OBSL1: variants seen among roughly 807,000 people sequenced by gnomAD.
The protein encoded by OBSL1 is obscurin like cytoskeletal adaptor 1, also known as obscurin-like protein 1.
In OBSL1, 160 loss-of-function variants were observed where a neutral mutation model predicts 172.0. That is an observed-to-expected ratio of 0.93 (90% CI 0.82 to 1.06). The LOEUF is 1.06. OBSL1 is among the 50% of genes least tolerant of loss of function. The probability of loss-of-function intolerance (pLI) is 0.00; values close to 1 mark genes in which losing one functional copy is unlikely to be tolerated. For missense variants in OBSL1, 2,681 were observed against 2,715.4 expected, an observed-to-expected ratio of 0.99 and a Z score of 0.28; for synonymous variants, 1,200 against 1,196.3, an observed-to-expected ratio of 1.00 and a Z score of -0.06.
Position 219,558,203 on chromosome 2 carries a change from G to A in OBSL1, c.3483C>T (p.Thr1161=). 6.2e-7 allele frequency: 1 copy of A among 1,608,206 alleles called. No homozygotes were observed. The highest frequency in any genetic ancestry group is 8.5e-7 in the Non-Finnish European group (1 of 1,175,512). The change falls in exon 10 of 21, where the codon ACC becomes ACT. Residue 1161 remains threonine, a synonymous_variant. Transcript: ENST00000404537. Reference sequence around the variant, plus strand: ...ACCCACCAGCCAGGATGACATTGAAGGTGATGGCCTCATGCCGGGTCTCAC... The same window carrying A: ...ACCCACCAGCCAGGATGACATTGAAAGTGATGGCCTCATGCCGGGTCTCAC... ...YVCETRHEAI[T]FNVILAEPPV...
chr2:219,552,874 C>A lies in OBSL1; in HGVS notation c.5140G>T (p.Val1714Leu). 6.5e-7 allele frequency: 1 copy of A among 1,542,484 alleles called. No homozygotes were observed. Among genetic ancestry groups the A allele is most frequent in the Non-Finnish European group, 8.7e-7 (1 of 1,145,308 alleles). Residue 1714 changes from valine (V) to leucine (L), a missense_variant, in exon 17 of 21, where the codon GTG (valine) becomes TTG (leucine). By Grantham distance (32) the Val-to-Leu change is conservative. Transcript: ENST00000404537. Reference sequence around the variant, plus strand: ...CACATCACCCCGTACCCACCGCGCACGGTCAGGCGGACCGGTCCGGCGCGG... The same window carrying A: ...CACATCACCCCGTACCCACCGCGCAAGGTCAGGCGGACCGGTCCGGCGCGG... Reference protein sequence around the residue: ...TARAGPVRLTVRERTVAVLSE... With the variant: ...TARAGPVRLTLRERTVAVLSE...
At chr2:219,555,659 T>C (rs1267391612) in intron 14 of OBSL1, 1 of 1,072,794 alleles carries the variant, frequency 9.3e-7, no homozygotes, top group Non-Finnish European at 1.1e-6. Flanking sequence ...GCTCCAGCTT[T>C]GGGTGGGAGG....
At position 219,570,253 on chromosome 2, in the gene OBSL1, T is replaced by C. The variant is rs1336434095; in HGVS notation, c.980A>G (p.Gln327Arg). Reference protein sequence around the residue: ...YVCAARNSAGQTLSAVQLHVK... With the variant: ...YVCAARNSAGRTLSAVQLHVK... ...GTGCAGCTGCACGGCACTGAGCGTC[T>C]GGCCCGCCGAGTTGCGCGCGGCGCA... The change falls in exon 1 of 21, where the codon CAG (glutamine) becomes CGG (arginine). Residue 327 changes from glutamine to arginine, a missense_variant. This residue lies in a region of OBSL1 where 706 missense variants were observed against 695.8 expected (regional missense o/e 1.01). Coordinates refer to ENST00000404537, the MANE Select transcript of OBSL1 (RefSeq NM_015311.3). 1 of 1,586,962 alleles carries C rather than the reference T, an allele frequency of 6.3e-7. No homozygotes were observed. Among genetic ancestry groups the C allele is most frequent in the Non-Finnish European group, 8.6e-7 (1 of 1,164,452 alleles).
rs1418706139 is a variant in OBSL1, at chr2:219,552,435, G to T, written c.5308+101C>A. 3 of 1,248,640 alleles carry T rather than the reference G, an allele frequency of 2.4e-6. No individual in the cohort carries two copies. The African/African-American group carries it at 4.5e-5, about 19-fold the overall frequency. The allele number at this position is 1,248,640 out of a possible 1,614,324, so 77.3% of individuals were successfully genotyped here. ...GAGGCTCACAGGGCCGTGGGGCGGGGCCCGTCGGAGCCAGGGGCGGGGCTT... is the reference window on the plus strand; with the variant it reads ...GAGGCTCACAGGGCCGTGGGGCGGGTCCCGTCGGAGCCAGGGGCGGGGCTT... On this transcript the variant is annotated intron_variant, in intron 18 of 20. Coordinates refer to ENST00000404537, the MANE Select transcript of OBSL1 (RefSeq NM_015311.3).
chr2:219,561,917 GA>G (rs1390570112), intron 8 of OBSL1: 1 of 717,396 alleles, frequency 1.4e-6, no homozygotes, highest in Admixed American at 2.0e-5. Flanking sequence ...GCCATGGGGG[GA>G]AGCGGGACCA....
rs367952566 is a variant in OBSL1, at chr2:219,570,341, G to A, written c.892C>T (p.Arg298Cys). 177 of 1,612,274 alleles carry A rather than the reference G, an allele frequency of 1.1e-4. No homozygotes were observed. In the South Asian group the frequency reaches 1.3e-3, roughly 12 times the overall value. Residue 298 changes from arginine (R) to cysteine (C), a missense_variant, in exon 1 of 21, where the codon CGC becomes TGC. Physicochemically the swap from Arg to Cys is radical, Grantham distance 180. Transcript: ENST00000404537. The part of the protein sequence containing the change: ...PDRRRLMYRD[R>C]DGGFVLKVLY... ...ACCTTGAGCACGAAGCCGCCGTCGC[G>A]GTCGCGGTACATGAGGCGGCGGCGG...
chr2:219,553,060 C>T (rs187054895), intron 16 of OBSL1, 36 bp from the exon 17 acceptor site: 3 of 1,440,314 alleles, frequency 2.1e-6, no homozygotes, highest in African/African-American at 1.5e-5. Flanking sequence ...GGGGCGAGCC[C>T]GGCTGGGCAC....
intron 14 of OBSL1, chr2:219,555,708 TG>T (rs1248888255): frequency 8.5e-7 from 1 of 1,182,506 alleles, no homozygotes; most frequent in African/African-American, 1.6e-5. Context: ...GCTACTTAAG[TG>T]GGTATGTGTA....
At chr2:219,549,395 T>C (rs977000172), downstream of OBSL1, 5 of 1,585,864 alleles carry the variant, frequency 3.2e-6, no homozygotes, top group African/African-American at 4.1e-5. Context: ...GAGAAGGAAG[T>C]GTGGAAACTC....
rs1261537858 is a variant in OBSL1 at position 219,551,773 on chromosome 2, G to T, written c.5439C>A (p.His1813Gln). Residue 1813 changes from histidine to glutamine, a missense_variant, in exon 20 of 21, where the codon CAC becomes CAA. His to Gln is a conservative substitution (Grantham distance 24, BLOSUM62 0). This residue lies in a region of OBSL1 where 1,765 missense variants were observed against 1,748.3 expected (regional missense o/e 1.01). Transcript: ENST00000404537. ...VEALPLQMCR[H>Q]PPREKTVLVG... ...CCAGAACGGTCTTCTCGCGAGGGGG[G>T]TGGCGGCACATCTGGAGAGGCAATG... The T allele has an allele frequency of 5.7e-6, 9 of 1,591,332 alleles. No homozygotes were observed. The highest frequency in any genetic ancestry group is 1.1e-5 in the South Asian group (1 of 89,902).
rs949845983 is a variant in OBSL1, at chr2:219,571,416, T to TGCG, written c.-187_-185dup. On this transcript the variant is annotated 5_prime_UTR_variant, in exon 1 of 21. Transcript: ENST00000404537. ...TACCCTCGGCCCCGAGCTGCAGCTC[T>TGCG]GCGGCGGCGGCGGCGGCGATTCCCG... 99 of 347,310 alleles carry TGCG rather than the reference T, an allele frequency of 2.9e-4. No individual in the cohort carries two copies. The highest frequency in any genetic ancestry group is 1.9e-3 in the African/African-American group (87 of 46,662). 21.5% of individuals were successfully genotyped at this position (347,310 alleles called of 1,614,324 possible).
chr2:219,555,976 T>C (rs757327977), intron 14 of OBSL1, 44 bp downstream of exon 14: 1 of 1,593,700 alleles, frequency 6.3e-7, no homozygotes, highest in Non-Finnish European at 8.6e-7. Context: ...GAAAAGGCTG[T>C]GGTGTAGGGT....
intron 14 of OBSL1, 87 bp from the exon 15 acceptor site, chr2:219,554,827 A>C (rs1000045071): frequency 1.1e-4 from 160 of 1,400,492 alleles, no homozygotes; most frequent in Non-Finnish European, 1.5e-4. Context: ...GGCCCTGCCT[A>C]CACCCCTGAA....
intron 20 of OBSL1, chr2:219,551,104 C>T: frequency 7.1e-7 from 1 of 1,410,812 alleles, no homozygotes; most frequent in Non-Finnish European, 9.2e-7. Flanking sequence ...AAGAAAGAGG[C>T]TTCTGCCAAG....
In OBSL1 at chr2:219,552,644, C is replaced by A. The variant is rs747582606; in HGVS notation, c.5200G>T (p.Asp1734Tyr). The A allele has an allele frequency of 1.3e-6, 2 of 1,550,660 alleles. No individual in the cohort carries two copies. The highest frequency in any genetic ancestry group is 1.7e-6 in the Non-Finnish European group (2 of 1,152,744). Residue 1734 changes from aspartate to tyrosine, a missense_variant, in exon 18 of 21, where the codon GAC becomes TAC. By Grantham distance (160) the Asp-to-Tyr change is radical. Coordinates refer to ENST00000404537, the MANE Select transcript of OBSL1 (RefSeq NM_015311.3). The stretch of plus-strand genomic sequence containing the variant: ...ACGGTGCACTCGAACGTAGCGCCGT[C>A]GCCTTCGCGGGCGCTCACCGACCGC... The part of the protein sequence containing the change: ...ELRSVSAREG[D>Y]GATFECTVSE...
chr2:219,555,658 T>C, intron 14 of OBSL1: 1 of 1,065,928 alleles, frequency 9.4e-7, no homozygotes, highest in Non-Finnish European at 1.1e-6. Flanking sequence ...GGCTCCAGCT[T>C]TGGGTGGGAG....
At chr2:219,570,191 C>T (rs1486141240) in intron 1 of OBSL1, 30 bp downstream of exon 1, 3 of 1,497,326 alleles carry the variant, frequency 2.0e-6, no homozygotes, top group African/African-American at 2.8e-5. Context: ...ACACTCGAGG[C>T]CCCTCCCTAG....
downstream of OBSL1, chr2:219,550,151 G>A (rs1356365509): frequency 9.5e-6 from 3 of 316,890 alleles, no homozygotes; most frequent in Non-Finnish European, 1.7e-5. Flanking sequence ...GGGCAGGCTT[G>A]GAGGGGACGC....
At position 219,565,552 on chromosome 2, in the gene OBSL1, C is replaced by T. The variant is rs182935608; in HGVS notation, c.2135-38G>A. On this transcript the variant is annotated intron_variant, in intron 5 of 20. Transcript: ENST00000404537. ...AAGTACAGATAAGCACCCCTCCCTC[C>T]GGTGCATGGGCTCAGTGTCGGATGC... 99 of 1,586,610 alleles carry T rather than the reference C, an allele frequency of 6.2e-5. 1 individual carries two copies. Among genetic ancestry groups the T allele is most frequent in the Admixed American group, 6.2e-4 (37 of 59,728 alleles).
Sources: allele counts gnomAD v4.1 joint callset, GRCh38; gene constraint gnomAD v4.1.1; regional missense constraint gnomAD v4.1.1; transcripts MANE v1.5; gene names NCBI Gene and HGNC (gene_info 2026-07-23, HGNC 2026-07-21).